The following HDAC9 variants were observed in gnomAD, a reference collection of about 807,000 sequenced individuals.
HDAC9 encodes the protein MEF-2 interacting transcription repressor (MITR) protein.
Under a neutral mutation model 139.4 loss-of-function variants are expected in HDAC9, and 41 were observed. The observed-to-expected ratio is 0.29, with a 90% CI of 0.23 to 0.38. The LOEUF is 0.38. HDAC9 is among the 10% of genes least tolerant of loss of function. HDAC9 has a pLI of 1.00. For missense variants in HDAC9, 1,147 were observed against 1,297.0 expected, an observed-to-expected ratio of 0.88 and a Z score of 1.78; for synonymous variants, 517 against 476.2, an observed-to-expected ratio of 1.09 and a Z score of -1.12.
At chr7:18,170,638 G>A (rs907677160) in intron 2 of HDAC9, among the ~76,000 whole-genome samples, 1 of 152,190 alleles carries the variant, frequency 6.6e-6, no homozygotes, top group East Asian at 1.9e-4. Flanking sequence ...GTGTAAGGAA[G>A]GGATCCAGTT....
At chr7:18,732,816 CGTGTGTAT>C (rs1171754508) in intron 13 of HDAC9, among the ~76,000 whole-genome samples, 1 of 85,930 alleles carries the variant, frequency 1.2e-5, no homozygotes, top group Non-Finnish European at 2.1e-5. Context: ...TGTACACACA[CGTGTGTAT>C]GTGTGCGTAT....
chr7:18,761,015 C>T (rs1256199505), intron 14 of HDAC9, among the ~76,000 whole-genome samples: 3 of 152,208 alleles, frequency 2.0e-5, no homozygotes, highest in African/African-American at 7.2e-5. Context: ...GGACAGCATT[C>T]CCTGAACAGA....
At chr7:18,479,616 T>C (rs1328532083) in intron 1 of HDAC9, among the ~76,000 whole-genome samples, 1 of 152,162 alleles carries the variant, frequency 6.6e-6, no homozygotes, top group Non-Finnish European at 1.5e-5. Flanking sequence ...TTCTTGGAAT[T>C]TTGCTATTTC....
In HDAC9 at chr7:18,863,430, A is replaced by G. The variant is rs563581177; in HGVS notation, c.2685-11048A>G. On this transcript the variant is annotated intron_variant, in intron 21 of 25. Transcript: ENST00000686413. ...AAATTCGTAAACTTTCTTAAAACAT[A>G]ATGTTTTTGTTTTTGGATTTTATTT... Among the ~76,000 whole-genome samples the G allele has an allele frequency of 3.3e-5, 5 of 152,210 alleles. No homozygotes were observed. In the South Asian group the frequency reaches 8.3e-4, roughly 25 times the overall value.
At chr7:18,166,652 G>C (rs1190332947) in intron 2 of HDAC9, among the ~76,000 whole-genome samples, 6 of 152,118 alleles carry the variant, frequency 3.9e-5, no homozygotes, top group Non-Finnish European at 1.5e-5. Flanking sequence ...AAGCTTCATG[G>C]TTCAATTAAT....
intron 1 of HDAC9, among the ~76,000 whole-genome samples, chr7:18,302,108 G>A (rs1158120083): frequency 6.6e-6 from 1 of 152,190 alleles, no homozygotes; most frequent in Non-Finnish European, 1.5e-5. Flanking sequence ...GAAAATTGAA[G>A]AGTTTAAGGG....
At chr7:18,542,592 A>T (rs1813374477) in intron 2 of HDAC9, among the ~76,000 whole-genome samples, 1 of 152,240 alleles carries the variant, frequency 6.6e-6, no homozygotes, top group Non-Finnish European at 1.5e-5. Flanking sequence ...AATACATGCA[A>T]CAAAGCTCAA....
At chr7:18,100,071 A>C (rs1667905560) in intron 1 of HDAC9, among the ~76,000 whole-genome samples, 1 of 151,934 alleles carries the variant, frequency 6.6e-6, no homozygotes, top group Admixed American at 6.6e-5. Context: ...GTCTTATTTC[A>C]CCTTATTTTT....
At chr7:18,988,922 C>A (rs1371680451) in intron 25 of HDAC9, among the ~76,000 whole-genome samples, 35 of 134,332 alleles carry the variant, frequency 2.6e-4, no homozygotes, top group Non-Finnish European at 4.2e-4. Flanking sequence ...CTTGGTAGAT[C>A]TTCCTCCATC....
At chr7:18,531,548 T>A (rs1442905434) in intron 2 of HDAC9, among the ~76,000 whole-genome samples, 1 of 152,138 alleles carries the variant, frequency 6.6e-6, no homozygotes, top group Non-Finnish European at 1.5e-5. Flanking sequence ...ATATAAAAAG[T>A]CATTTTTCCC....
At chr7:18,549,684 C>T (rs1006017915) in intron 2 of HDAC9, among the ~76,000 whole-genome samples, 12 of 151,788 alleles carry the variant, frequency 7.9e-5, no homozygotes, top group African/African-American at 2.9e-4. Context: ...TCACAGGATT[C>T]CTCTTTGTAC....
chr7:18,225,129 G>A (rs1383887093), intron 2 of HDAC9, among the ~76,000 whole-genome samples: 1 of 152,116 alleles, frequency 6.6e-6, no homozygotes, highest in African/African-American at 2.4e-5. Context: ...ACATTTTGAA[G>A]ATTTCTTCAT....
chr7:18,424,040 T>C (rs974379648), intron 1 of HDAC9, among the ~76,000 whole-genome samples: 2 of 152,348 alleles, frequency 1.3e-5, no homozygotes, highest in Admixed American at 1.3e-4. Flanking sequence ...ATATCACCTA[T>C]AAATATGCAG....
chr7:18,438,296 T>C (rs1305383638), intron 1 of HDAC9, among the ~76,000 whole-genome samples: 2 of 152,050 alleles, frequency 1.3e-5, no homozygotes, highest in East Asian at 1.9e-4. Flanking sequence ...ACTCTGAGGA[T>C]TGATAAAAAA....
At chr7:18,133,958 A>C (rs1431686103) in intron 1 of HDAC9, among the ~76,000 whole-genome samples, 1 of 146,078 alleles carries the variant, frequency 6.8e-6, no homozygotes, top group Non-Finnish European at 1.5e-5. Flanking sequence ...ACACACACAC[A>C]TCTCTAGCCT....
chr7:18,441,249 C>T (rs1341116609), intron 1 of HDAC9, among the ~76,000 whole-genome samples: 1 of 152,094 alleles, frequency 6.6e-6, no homozygotes. Context: ...GACATCTGAC[C>T]TTTTTTAAAG....
At chr7:18,829,340 C>G in intron 18 of HDAC9, 121 bp from the exon 19 acceptor site, 1 of 1,120,520 alleles carries the variant, frequency 8.9e-7, no homozygotes, top group Non-Finnish European at 1.4e-6. Context: ...GAGGTACTCC[C>G]AGAAGCAGAT....
intron 1 of HDAC9, among the ~76,000 whole-genome samples, chr7:18,098,488 A>G (rs1177300411): frequency 6.6e-6 from 1 of 152,202 alleles, no homozygotes; most frequent in Non-Finnish European, 1.5e-5. Context: ...CAGAATTTGA[A>G]TGCACAGACT....
intron 22 of HDAC9, among the ~76,000 whole-genome samples, chr7:18,880,486 G>C (rs1342958753): frequency 1.3e-5 from 2 of 152,092 alleles, no homozygotes; most frequent in African/African-American, 4.8e-5. Flanking sequence ...AAAAGAACAA[G>C]CTCATGTCTT....
Sources: allele counts gnomAD v4.1 joint callset (sites outside exome capture counted in the v4.1 genomes callset), GRCh38; gene constraint gnomAD v4.1.1; transcripts MANE v1.5; gene names NCBI Gene and HGNC (gene_info 2026-07-23, HGNC 2026-07-21).